Variants in BCAP29 observed in about 807,000 individuals in gnomAD.
BCAP29 encodes B-cell receptor-associated protein 29.
In BCAP29, 34 loss-of-function variants were observed where a neutral mutation model predicts 31.8. That is an observed-to-expected ratio of 1.07 (90% CI 0.81 to 1.42). The LOEUF is 1.42. Among genes scored for constraint, BCAP29 ranks in the 40% most tolerant of loss-of-function variants. The probability of loss-of-function intolerance (pLI) is 0.00; values close to 1 mark genes in which losing one functional copy is unlikely to be tolerated. For synonymous variants in BCAP29, 104 were observed against 91.3 expected, an observed-to-expected ratio of 1.14 and a Z score of -0.79; for missense variants, 314 against 269.2, an observed-to-expected ratio of 1.17 and a Z score of -1.16.
At chr7:107,609,421 A>G (rs1174106916) in intron 6 of BCAP29, among the ~76,000 whole-genome samples, 2 of 152,192 alleles carry the variant, frequency 1.3e-5, no homozygotes, top group Admixed American at 6.5e-5. Context: ...TGAGAAATCC[A>G]CTTAATAATC....
At chr7:107,595,510 C>T (rs1384664716) in intron 4 of BCAP29, among the ~76,000 whole-genome samples, 2 of 152,158 alleles carry the variant, frequency 1.3e-5, no homozygotes. Context: ...ACACAATGTT[C>T]CTTAAATAGC....
chr7:107,597,262 T>G (rs1810026267), intron 5 of BCAP29, among the ~76,000 whole-genome samples: 2 of 152,146 alleles, frequency 1.3e-5, no homozygotes, highest in African/African-American at 4.8e-5. Flanking sequence ...TTTCCTTTCC[T>G]CTCCTTCCCT....
rs137954085 is a variant in BCAP29 at position 107,598,337 on chromosome 7, C to A, written c.481-2060C>A. On this transcript the variant is annotated intron_variant, in intron 5 of 7. Coordinates refer to ENST00000005259, the MANE Select transcript of BCAP29 (RefSeq NM_018844.4). ...TGCTGCTCTTTACAAAAAAGAAAAACTTTTAATTTGAGAAGATATGAGGCT... is the reference window on the plus strand; with the variant it reads ...TGCTGCTCTTTACAAAAAAGAAAAAATTTTAATTTGAGAAGATATGAGGCT... Among the ~76,000 whole-genome samples the A allele has an allele frequency of 3.4e-3, 519 of 152,152 alleles. 2 individuals carry two copies. The highest frequency in any genetic ancestry group is 0.012 in the African/African-American group (498 of 41,522).
At chr7:107,610,516 T>G (rs904449678) in intron 6 of BCAP29, among the ~76,000 whole-genome samples, 3 of 152,162 alleles carry the variant, frequency 2.0e-5, no homozygotes, top group African/African-American at 7.2e-5. Flanking sequence ...ACACAATAAT[T>G]TTTATAAAAT....
intron 1 of BCAP29, 165 bp downstream of exon 1, chr7:107,580,466 C>T (rs966772340): frequency 1.0e-5 from 3 of 299,638 alleles, no homozygotes; most frequent in East Asian, 9.5e-5. Context: ...AGCGGGAGGG[C>T]CGGGAAGCCG....
At chr7:107,602,964 C>CTTTTTTTTTTTTTTTTTTTTTTTTTT (rs34887499) in intron 6 of BCAP29, among the ~76,000 whole-genome samples, 1 of 68,288 alleles carries the variant, frequency 1.5e-5, no homozygotes, top group Non-Finnish European at 2.5e-5. Context: ...TTCTTTTATT[C>CTTTTTTTTTTTTTTTTTTTTTTTTTT]TTTTTTTTTT....
At chr7:107,613,782 C>CA (rs1252998673) in intron 7 of BCAP29, 17 of 1,441,960 alleles carry the variant, frequency 1.2e-5, no homozygotes, top group Non-Finnish European at 1.7e-5. Context: ...AAAATGAGGC[C>CA]AAAATTTCAA....
intron 3 of BCAP29, 128 bp downstream of exon 3, chr7:107,584,110 G>A (rs1807190338): frequency 4.1e-6 from 2 of 486,172 alleles, no homozygotes; most frequent in South Asian, 5.0e-5. Flanking sequence ...TACATAGAGT[G>A]GATACTGATC....
intron 3 of BCAP29, among the ~76,000 whole-genome samples, chr7:107,586,164 A>G (rs1319457371): frequency 1.3e-5 from 2 of 152,074 alleles, no homozygotes; most frequent in Non-Finnish European, 2.9e-5. Context: ...TCCTATATAT[A>G]CTTCATTCTT....
chr7:107,622,543 T>G (rs1237593709), downstream of BCAP29: 1 of 152,450 alleles, frequency 6.6e-6, no homozygotes, highest in Non-Finnish European at 1.5e-5. Context: ...CCTGTCTGCC[T>G]TCTTACCCTA....
chr7:107,581,454 C>T (rs1287577223), intron 2 of BCAP29, among the ~76,000 whole-genome samples: 1 of 152,148 alleles, frequency 6.6e-6, no homozygotes, highest in Non-Finnish European at 1.5e-5. Flanking sequence ...TCGTTAGTGA[C>T]GGAACTTCTA....
chr7:107,604,607 C>A (rs1811741176), intron 6 of BCAP29, among the ~76,000 whole-genome samples: 1 of 151,456 alleles, frequency 6.6e-6, no homozygotes, highest in Non-Finnish European at 1.5e-5. Context: ...TATATCAAAG[C>A]CCCCAGCTTA....
chr7:107,612,414 T>TAC (rs1813331748), intron 6 of BCAP29, among the ~76,000 whole-genome samples: 1 of 121,352 alleles, frequency 8.2e-6, no homozygotes, highest in Admixed American at 8.2e-5. Flanking sequence ...TATATATATA[T>TAC]ATATATATAT....
intron 7 of BCAP29, chr7:107,615,324 C>T (rs1442536028): frequency 2.2e-5 from 10 of 456,564 alleles, no homozygotes; most frequent in African/African-American, 4.0e-5. Context: ...CCTGGCTGAG[C>T]GTGGTGGCTC....
At chr7:107,598,558 A>C (rs1810271733) in intron 5 of BCAP29, among the ~76,000 whole-genome samples, 1 of 152,184 alleles carries the variant, frequency 6.6e-6, no homozygotes, top group Non-Finnish European at 1.5e-5. Flanking sequence ...GTTATTCAAA[A>C]GTAGAGACCA....
intron 4 of BCAP29, 169 bp downstream of exon 4, chr7:107,594,274 A>T: frequency 1.6e-6 from 1 of 606,968 alleles, no homozygotes; most frequent in East Asian, 2.8e-5. Flanking sequence ...CTGTAACTTC[A>T]AACTCCTGGG....
intron 3 of BCAP29, among the ~76,000 whole-genome samples, chr7:107,591,946 A>AT (rs953926826): frequency 6.7e-5 from 10 of 149,382 alleles, no homozygotes; most frequent in East Asian, 2.0e-4. Context: ...CTTTGTGCTT[A>AT]TTTTTTTTTT....
intron 6 of BCAP29, among the ~76,000 whole-genome samples, chr7:107,610,596 G>A (rs1464934051): frequency 6.6e-6 from 1 of 152,174 alleles, no homozygotes; most frequent in Non-Finnish European, 1.5e-5. Flanking sequence ...TGGAGTGATA[G>A]TATTCATTAG....
At chr7:107,601,684 T>C (rs890325569) in intron 6 of BCAP29, among the ~76,000 whole-genome samples, 1 of 152,246 alleles carries the variant, frequency 6.6e-6, no homozygotes, top group African/African-American at 2.4e-5. Flanking sequence ...ACCTACCGTT[T>C]ACAACAGACA....
Sources: gnomAD v4.1 joint callset for allele counts (sites outside exome capture counted in the v4.1 genomes callset) on GRCh38, gnomAD v4.1.1 for gene constraint, MANE v1.5 for transcripts, NCBI Gene and HGNC (gene_info 2026-07-23, HGNC 2026-07-21) for gene names.